The following ALKBH1 variants were observed in gnomAD, a reference collection of about 807,000 sequenced individuals.
ALKBH1 encodes nucleic acid dioxygenase ALKBH1.
ALKBH1 carries 31 observed loss-of-function variants against 36.6 expected under a neutral mutation model. The observed-to-expected ratio is 0.85, with a 90% CI of 0.64 to 1.14. ALKBH1 has a LOEUF of 1.14. Ranked by LOEUF, ALKBH1 falls within the 50% of genes most tolerant of loss-of-function variation. The probability of loss-of-function intolerance (pLI) is 0.00; values close to 1 mark genes in which losing one functional copy is unlikely to be tolerated. For synonymous variants in ALKBH1, 183 were observed against 186.6 expected (o/e 0.98, Z 0.16); for missense variants, 490 against 497.3 (o/e 0.99, Z 0.14).
chr14:77,678,702 A>T (rs1369309441), intron 4 of ALKBH1, among the ~76,000 whole-genome samples: 5 of 152,202 alleles, frequency 3.3e-5, no homozygotes, highest in Non-Finnish European at 7.3e-5. Context: ...GTTACAAGGC[A>T]TCTTCTAAAG....
chr14:77,685,711 T>G (rs1056950555), intron 3 of ALKBH1, among the ~76,000 whole-genome samples: 1 of 151,434 alleles, frequency 6.6e-6, no homozygotes, highest in Non-Finnish European at 1.5e-5. Context: ...AAGGTTGCAG[T>G]AGACCAAGAT....
rs369809708 is a variant in ALKBH1 at position 77,707,766 on chromosome 14, C to A, written c.183+56G>T. The A allele has an allele frequency of 3.3e-6, 5 of 1,530,390 alleles. No individual in the cohort carries two copies. In the African/African-American group the frequency reaches 5.5e-5, roughly 17 times the overall value. 94.8% of individuals were successfully genotyped at this position (1,530,390 alleles called of 1,614,324 possible). A position where few individuals can be genotyped will look rare whatever the true frequency, so the allele number is the denominator to read the frequency against. ...AAGAGGCGAAGAAGACACGTAAGTC[C>A]CTCCAAGACGCGGGGCAAAGCGATG... On this transcript the variant is annotated intron_variant, in intron 1 of 5. Coordinates refer to ENST00000216489, the MANE Select transcript of ALKBH1 (RefSeq NM_006020.3).
Position 77,674,072 on chromosome 14 carries a change from A to C in ALKBH1, c.910T>G (p.Cys304Gly), listed in dbSNP as rs1173193884. The stretch of plus-strand genomic sequence containing the variant: ...ACAGCAGGGAGAGGTGCCTCTAGGC[A>C]GTGAGGCAGGCCTTCCCCTTCTGGA... ...PNPEGEGLPH[C>G]LEAPLPAVLP... The change falls in exon 6 of 6, where the codon TGC becomes GGC. Residue 304 changes from cysteine to glycine, a missense_variant. By Grantham distance (159) the Cys-to-Gly change is radical. Coordinates refer to ENST00000216489, the MANE Select transcript of ALKBH1 (RefSeq NM_006020.3). The C allele has an allele frequency of 1.9e-6, 3 of 1,614,062 alleles. No homozygotes were observed. The African/African-American group carries it at 4.0e-5, about 22-fold the overall frequency.
At position 77,697,943 on chromosome 14, in the gene ALKBH1, G is replaced by A. The variant is rs185873899; in HGVS notation, c.293-3043C>T. 2.2e-3 allele frequency among the ~76,000 whole-genome samples: 333 copies of A among 152,052 alleles called. 1 individual carries two copies. In the East Asian group the frequency reaches 0.027, roughly 12 times the overall value. On this transcript the variant is annotated intron_variant, in intron 2 of 5. Transcript: ENST00000216489. The stretch of plus-strand genomic sequence containing the variant: ...TGGGAGGATCGCTTGAACCCAGGAG[G>A]CACAGGTTGCAGTGAGCCAAGACTG...
At position 77,674,086 on chromosome 14, in the gene ALKBH1, T is replaced by C. The variant is rs1445210121; in HGVS notation, c.896A>G (p.Glu299Gly). The change falls in exon 6 of 6, where the codon GAA (glutamate) becomes GGA (glycine). Residue 299 changes from glutamate to glycine, a missense_variant. By Grantham distance (98) the Glu-to-Gly change is moderately conservative. Coordinates refer to ENST00000216489, the MANE Select transcript of ALKBH1 (RefSeq NM_006020.3). ...TGCCTCTAGGCAGTGAGGCAGGCCT[T>C]CCCCTTCTGGATTTGGAAGGACACG... Reference protein sequence around the residue: ...VPRVLPNPEGEGLPHCLEAPL... With the variant: ...VPRVLPNPEGGGLPHCLEAPL... 1 of 1,614,092 alleles carries C rather than the reference T, an allele frequency of 6.2e-7. No homozygotes were observed. The highest frequency in any genetic ancestry group is 8.5e-7 in the Non-Finnish European group (1 of 1,180,014).
chr14:77,684,647 A>G (rs1474137755), intron 3 of ALKBH1, among the ~76,000 whole-genome samples: 1 of 152,186 alleles, frequency 6.6e-6, no homozygotes, highest in Non-Finnish European at 1.5e-5. Context: ...TGCAGGCTCA[A>G]GTAATCCTCC....
At chr14:77,700,538 C>T (rs1307581042) in intron 2 of ALKBH1, among the ~76,000 whole-genome samples, 1 of 152,112 alleles carries the variant, frequency 6.6e-6, no homozygotes, top group African/African-American at 2.4e-5. Context: ...TTTCATTTAT[C>T]AGTAAAATTC....
intron 5 of ALKBH1, among the ~76,000 whole-genome samples, chr14:77,675,269 C>T (rs2080198597): frequency 6.7e-6 from 1 of 150,022 alleles, no homozygotes; most frequent in Non-Finnish European, 1.5e-5. Flanking sequence ...CCCATCTCTA[C>T]TAAAAAAAAA....
At chr14:77,690,928 A>T (rs576372956) in intron 3 of ALKBH1, among the ~76,000 whole-genome samples, 1 of 151,846 alleles carries the variant, frequency 6.6e-6, no homozygotes, top group African/African-American at 2.4e-5. Flanking sequence ...CTGCCTCCTG[A>T]GTAGCTGGGA....
chr14:77,689,297 G>C lies in ALKBH1; in HGVS notation c.455+5441C>G, dbSNP rs577032697. On this transcript the variant is annotated intron_variant, in intron 3 of 5. Coordinates refer to ENST00000216489, the MANE Select transcript of ALKBH1 (RefSeq NM_006020.3). Reference sequence around the variant, plus strand: ...TTGCAACTTCTATTCAAGTATACATGCTTTGGTATTGTAAATTCCTTATTT... The same window carrying C: ...TTGCAACTTCTATTCAAGTATACATCCTTTGGTATTGTAAATTCCTTATTT... Among the ~76,000 whole-genome samples the C allele has an allele frequency of 2.0e-5, 3 of 152,242 alleles. No homozygotes were observed. In the East Asian group the frequency reaches 5.8e-4, roughly 29 times the overall value.
Position 77,704,461 on chromosome 14 carries a change from A to C in ALKBH1, c.200T>G (p.Leu67Arg). The change falls in exon 2 of 6, where the codon CTA (leucine) becomes CGA (arginine). Residue 67 changes from leucine (L) to arginine (R), a missense_variant. By Grantham distance (102) the Leu-to-Arg change is moderately radical. Coordinates refer to ENST00000216489, the MANE Select transcript of ALKBH1 (RefSeq NM_006020.3). ...PGAQKVIKSQLNVSSVSEQNA... is the reference protein window; with the variant it reads ...PGAQKVIKSQRNVSSVSEQNA... ...CTGCTCACTGACAGAAGACACATTT[A>C]GCTGAGATTTGATCACCTGGCAGGA... is the stretch of plus-strand genomic sequence containing the variant. 1 of 1,614,134 alleles carries C rather than the reference A, an allele frequency of 6.2e-7. No individual in the cohort carries two copies. Among genetic ancestry groups the C allele is most frequent in the Non-Finnish European group, 8.5e-7 (1 of 1,179,970 alleles).
chr14:77,703,542 G>A (rs946295847), intron 2 of ALKBH1, among the ~76,000 whole-genome samples: 2 of 149,550 alleles, frequency 1.3e-5, no homozygotes, highest in South Asian at 2.1e-4. Flanking sequence ...TGATCCGCCC[G>A]CCTCGGCCTC....
At chr14:77,683,171 T>TTA in intron 3 of ALKBH1, 1 of 435,568 alleles carries the variant, frequency 2.3e-6, no homozygotes, top group Non-Finnish European at 4.1e-6. Context: ...TTTTTTTTTT[T>TTA]ACAAACAGTC....
chr14:77,694,221 T>C (rs2080314593), intron 3 of ALKBH1, among the ~76,000 whole-genome samples: 1 of 152,180 alleles, frequency 6.6e-6, no homozygotes, highest in African/African-American at 2.4e-5. Flanking sequence ...CCTAGCATCA[T>C]GCCTGACACA....
At position 77,673,912 on chromosome 14, in the gene ALKBH1, G is replaced by T. The variant is rs1165206489; in HGVS notation, c.1070C>A (p.Pro357His). 6.2e-7 allele frequency: 1 copy of T among 1,614,160 alleles called. No individual in the cohort carries two copies. Among genetic ancestry groups the T allele is most frequent in the Non-Finnish European group, 8.5e-7 (1 of 1,180,042 alleles). ...GATGTCTCTTTTTTCATCCTCGATG[G>T]GTTCTAGAGGGAAATTCTGGTCTGT... is the stretch of plus-strand genomic sequence containing the variant. ...LATDQNFPLE[P>H]IEDEKRDIST... Residue 357 changes from proline to histidine, a missense_variant, in exon 6 of 6, where the codon CCC (proline) becomes CAC (histidine). Transcript: ENST00000216489.
intron 2 of ALKBH1, among the ~76,000 whole-genome samples, chr14:77,703,586 C>T (rs1195979357): frequency 7.0e-5 from 10 of 142,462 alleles, no homozygotes; most frequent in East Asian, 2.0e-4. Flanking sequence ...TGAGCTACTG[C>T]GTCCAGCTTT....
chr14:77,697,856 T>C (rs2080336726), intron 2 of ALKBH1, among the ~76,000 whole-genome samples: 1 of 151,634 alleles, frequency 6.6e-6, no homozygotes, highest in Non-Finnish European at 1.5e-5. Flanking sequence ...CTACAAAAAA[T>C]ACAAAAATTA....
rs180671020 is a variant in ALKBH1, at chr14:77,686,659, T to C, written c.456-6689A>G. On this transcript the variant is annotated intron_variant, in intron 3 of 5. Transcript: ENST00000216489. The stretch of plus-strand genomic sequence containing the variant: ...TTCTTTTTTGAGACAGAGTCTCGTT[T>C]TGTCGCCAGGCTGGAGTGCAGTGGC... Among the ~76,000 whole-genome samples, 32 of 152,316 alleles carry C rather than the reference T, an allele frequency of 2.1e-4. 1 individual carries two copies. Among genetic ancestry groups the C allele is most frequent in the Admixed American group, 1.2e-3 (19 of 15,302 alleles).
Position 77,707,833 on chromosome 14 carries a change from C to CA in ALKBH1, c.171dup (p.Gly58TrpfsTer17), listed in dbSNP as rs761963169. On this transcript the variant is annotated frameshift_variant, in exon 1 of 6. Coordinates refer to ENST00000216489, the MANE Select transcript of ALKBH1 (RefSeq NM_006020.3). LOFTEE classifies it high-confidence loss of function. ...TCCTCTCTCTGTACCTTTTGGGCACCAGGACCCTTGCCACGGGCTGCGTGG... is the reference window on the plus strand; with the variant it reads ...TCCTCTCTCTGTACCTTTTGGGCACCAAGGACCCTTGCCACGGGCTGCGTGG... 6.2e-7 allele frequency: 1 copy of CA among 1,609,232 alleles called. No individual in the cohort carries two copies. The highest frequency in any genetic ancestry group is 1.3e-5 in the African/African-American group (1 of 74,932).
Sources: allele counts gnomAD v4.1 joint callset (sites outside exome capture counted in the v4.1 genomes callset), GRCh38; gene constraint gnomAD v4.1.1; transcripts MANE v1.5; gene names NCBI Gene and HGNC (gene_info 2026-07-23, HGNC 2026-07-21).